GNPDA1: variants seen among roughly 807,000 people sequenced by gnomAD.
GNPDA1 encodes the protein GNPDA 1.
Under a neutral mutation model 28.5 loss-of-function variants are expected in GNPDA1, and 24 were observed. The observed-to-expected ratio is 0.84, with a 90% CI of 0.61 to 1.19. The LOEUF (loss-of-function observed/expected upper bound fraction) is 1.19, where lower values mean the gene tolerates loss of function less well. Ranked by LOEUF, GNPDA1 falls within the 50% of genes most tolerant of loss-of-function variation. The pLI is 0.00. For missense variants in GNPDA1, 264 were observed against 367.3 expected, an observed-to-expected ratio of 0.72 and a Z score of 2.30; for synonymous variants, 147 against 139.3, an observed-to-expected ratio of 1.06 and a Z score of -0.39.
At chr5:142,012,160 G>C in intron 1 of GNPDA1, 119 bp from the exon 2 acceptor site, 1 of 1,114,912 alleles carries the variant, frequency 9.0e-7, no homozygotes, top group Non-Finnish European at 1.2e-6. Context: ...AGCTGTCTGA[G>C]CCAGGAAAAA....
chr5:142,007,361 C>T (rs895931008), intron 3 of GNPDA1, among the ~76,000 whole-genome samples: 12 of 152,092 alleles, frequency 7.9e-5, no homozygotes, highest in South Asian at 4.1e-4. Flanking sequence ...ATACCAATCT[C>T]AGGTCCCCTT....
intron 6 of GNPDA1, among the ~76,000 whole-genome samples, chr5:142,002,685 T>G (rs1755704859): frequency 6.6e-6 from 1 of 151,178 alleles, no homozygotes; most frequent in Non-Finnish European, 1.5e-5. Context: ...GCCCGGGAGG[T>G]GGAGGTTGCA....
At chr5:142,006,027 C>T in intron 4 of GNPDA1, 117 bp downstream of exon 4, 1 of 803,980 alleles carries the variant, frequency 1.2e-6, no homozygotes, top group Non-Finnish European at 2.0e-6. Context: ...TCTCCCGCCT[C>T]TGTCTCTACG....
Position 142,007,845 on chromosome 5 carries a change from G to A in GNPDA1, c.180C>T (p.Asp60=). 1.9e-6 allele frequency: 3 copies of A among 1,612,728 alleles called. No individual in the cohort carries two copies. The highest frequency in any genetic ancestry group is 2.5e-6 in the Non-Finnish European group (3 of 1,178,754). ...AGGTCTTCACATATTTAAAGGACAG[G>A]TCCCCATTCTTATAGTATTCAATCA... The part of the protein sequence containing the change: ...KKLIEYYKNG[D]LSFKYVKTFN... The change falls in exon 3 of 7, where the codon GAC becomes GAT. Residue 60 remains aspartate (D), a synonymous_variant. Coordinates refer to ENST00000311337, the MANE Select transcript of GNPDA1 (RefSeq NM_005471.5).
Position 142,003,033 on chromosome 5 carries a change from A to T in GNPDA1, c.769+55T>A, listed in dbSNP as rs1013616538. ...AGGATGAAAGCTGGATCTACTCCTT[A>T]CTCCTAGCACACCCTAAGCTTGACC... On this transcript the variant is annotated intron_variant, in intron 6 of 6. Coordinates refer to ENST00000311337, the MANE Select transcript of GNPDA1 (RefSeq NM_005471.5). The surrounding 1 kb of genome is among the most constrained non-coding windows in gnomAD (Gnocchi z 4.0). 6.2e-6 allele frequency: 9 copies of T among 1,447,866 alleles called. No individual in the cohort carries two copies. In the African/African-American group the frequency reaches 1.1e-4, roughly 18 times the overall value. 89.7% of individuals were successfully genotyped at this position (1,447,866 alleles called of 1,614,324 possible). A position where few individuals can be genotyped will look rare whatever the true frequency, so the allele number is the denominator to read the frequency against.
At chr5:142,002,938 AT>A in intron 6 of GNPDA1, 149 bp downstream of exon 6, 1 of 619,310 alleles carries the variant, frequency 1.6e-6, no homozygotes, top group South Asian at 2.1e-5. Context: ...CAGAAGAGAA[AT>A]GACTGTGTAG....
At position 142,006,341 on chromosome 5, in the gene GNPDA1, G is replaced by A. The variant is rs369990176; in HGVS notation, c.227-15C>T. The stretch of plus-strand genomic sequence containing the variant: ...TCGAGGAAGGCCTGTGGGGCCGTGA[G>A]ACACTCGGTTATGCCTAGGCCAAGC... On this transcript the variant is annotated splice_polypyrimidine_tract_variant and intron_variant, in intron 3 of 6. Transcript: ENST00000311337. 35 of 1,604,414 alleles carry A rather than the reference G, an allele frequency of 2.2e-5. No homozygotes were observed. Among genetic ancestry groups the A allele is most frequent in the Non-Finnish European group, 2.6e-6 (3 of 1,173,538 alleles).
intron 4 of GNPDA1, among the ~76,000 whole-genome samples, chr5:142,005,745 A>G (rs1755786686): frequency 6.6e-6 from 1 of 152,178 alleles, no homozygotes; most frequent in South Asian, 2.1e-4. Flanking sequence ...ACTTGCTCCC[A>G]CCTGTGAACC....
rs1441194172 is a variant in GNPDA1, at chr5:142,002,939, TGAC to T, written c.769+146_769+148del. The stretch of plus-strand genomic sequence containing the variant: ...TTTGCAGTCACAGGCAGAAGAGAAA[TGAC>T]TGTGTAGTGTGATGCAGTTGGGTTT... On this transcript the variant is annotated intron_variant, in intron 6 of 6. Transcript: ENST00000311337. The T allele has an allele frequency of 1.1e-5, 7 of 621,406 alleles. No individual in the cohort carries two copies. The African/African-American group carries it at 1.3e-4, about 11-fold the overall frequency. The allele number at this position is 621,406 out of a possible 1,614,324, so 38.5% of individuals were successfully genotyped here.
rs200904279 is a variant in GNPDA1 at position 142,000,871 on chromosome 5, C to G, written c.*1158G>C. ...AGGCAGCAGTAGCTTCAAACAGGCA[C>G]AAAAACAGCCAGGAGGAGGCAGCAT... On this transcript the variant is annotated 3_prime_UTR_variant, in exon 7 of 7. Coordinates refer to ENST00000311337, the MANE Select transcript of GNPDA1 (RefSeq NM_005471.5). The G allele has an allele frequency of 6.6e-6, 1 of 152,446 alleles. No homozygotes were observed. Among genetic ancestry groups the G allele is most frequent in the African/African-American group, 2.4e-5 (1 of 41,378 alleles). The allele number at this position is 152,446 out of a possible 1,614,324, so 9.4% of individuals were successfully genotyped here. A position where few individuals can be genotyped will look rare whatever the true frequency, so the allele number is the denominator to read the frequency against.
At chr5:142,008,622 G>A (rs1755864607) in intron 2 of GNPDA1, among the ~76,000 whole-genome samples, 3 of 152,118 alleles carry the variant, frequency 2.0e-5, no homozygotes, top group African/African-American at 2.4e-5. Flanking sequence ...AGCTACTCGG[G>A]AGGCTGAGGC....
intron 2 of GNPDA1, among the ~76,000 whole-genome samples, chr5:142,008,620 G>A (rs1055546299): frequency 2.0e-5 from 3 of 152,070 alleles, no homozygotes; most frequent in Non-Finnish European, 2.9e-5. Flanking sequence ...CCAGCTACTC[G>A]GGAGGCTGAG....
chr5:142,002,679 G>A (rs764221193), intron 6 of GNPDA1, among the ~76,000 whole-genome samples: 1 of 152,102 alleles, frequency 6.6e-6, no homozygotes, highest in African/African-American at 2.4e-5. Flanking sequence ...ACTTAAGCCC[G>A]GGAGGTGGAG....
chr5:142,004,904 CAA>C (rs757252728), intron 5 of GNPDA1, 26 bp downstream of exon 5: 95 of 1,490,076 alleles, frequency 6.4e-5, no homozygotes, highest in Admixed American at 2.2e-4. Context: ...TCCACCAGCG[CAA>C]GCTGGTGGGG....
chr5:142,004,764 C>T (rs1368881385), intron 5 of GNPDA1, 168 bp downstream of exon 5: 4 of 486,880 alleles, frequency 8.2e-6, no homozygotes, highest in Non-Finnish European at 1.5e-5. Flanking sequence ...ATAATGATGT[C>T]TTCCAAAGAC....
chr5:142,007,189 C>A (rs373834378), intron 3 of GNPDA1, among the ~76,000 whole-genome samples: 1 of 151,996 alleles, frequency 6.6e-6, no homozygotes, highest in Non-Finnish European at 1.5e-5. Flanking sequence ...CACTACTGAA[C>A]TATACACAGA....
Position 142,001,990 on chromosome 5 carries a change from C to CT in GNPDA1, c.*38dup, listed in dbSNP as rs1561569869. 9.9e-7 allele frequency: 1 copy of CT among 1,015,166 alleles called. No homozygotes were observed. The highest frequency in any genetic ancestry group is 1.5e-6 in the Non-Finnish European group (1 of 650,508). The allele number at this position is 1,015,166 out of a possible 1,614,324, so 62.9% of individuals were successfully genotyped here. A position where few individuals can be genotyped will look rare whatever the true frequency, so the allele number is the denominator to read the frequency against. ...AAAGACAATTTCCAGAAAGACCTGC[C>CT]TTTCCCTATGGGTACTTGACACTAG... On this transcript the variant is annotated 3_prime_UTR_variant, in exon 7 of 7. Transcript: ENST00000311337.
chr5:142,010,122 C>A (rs894301765), intron 2 of GNPDA1, among the ~76,000 whole-genome samples: 11 of 152,254 alleles, frequency 7.2e-5, no homozygotes, highest in African/African-American at 2.4e-4. Flanking sequence ...GTGCAGAACT[C>A]AGCAAACTTT....
chr5:142,007,365 T>A (rs1332737701), intron 3 of GNPDA1, among the ~76,000 whole-genome samples: 1 of 151,848 alleles, frequency 6.6e-6, no homozygotes, highest in Admixed American at 6.6e-5. Flanking sequence ...CAATCTCAGG[T>A]CCCCTTCAAG....
Sources: allele counts gnomAD v4.1 joint callset (sites outside exome capture counted in the v4.1 genomes callset), GRCh38; gene constraint gnomAD v4.1.1; non-coding constraint Gnocchi (gnomAD v3.1); transcripts MANE v1.5; gene names NCBI Gene and HGNC (gene_info 2026-07-23, HGNC 2026-07-21).